GAA: variants seen among roughly 807,000 people sequenced by gnomAD.
GAA encodes the protein lysosomal alpha-glucosidase.
GAA carries 88 observed loss-of-function variants against 103.9 expected under a neutral mutation model. That is an observed-to-expected ratio of 0.85 (90% CI 0.71 to 1.01). The LOEUF (loss-of-function observed/expected upper bound fraction) is 1.01, where lower values mean the gene tolerates loss of function less well. Among genes scored for constraint, GAA ranks in the 50% least tolerant of loss-of-function variants. The pLI is 0.00. For synonymous variants in GAA, 572 were observed against 563.1 expected, an observed-to-expected ratio of 1.02 and a Z score of -0.22; for missense variants, 1,350 against 1,305.3, an observed-to-expected ratio of 1.03 and a Z score of -0.53.
rs1001452509 is a variant in GAA at position 80,113,495 on chromosome 17, C to G, written c.2189+129C>G. 5 of 864,270 alleles carry G rather than the reference C, an allele frequency of 5.8e-6. No individual in the cohort carries two copies. In the African/African-American group the frequency reaches 8.5e-5, roughly 15 times the overall value. 53.5% of individuals were successfully genotyped at this position (864,270 alleles called of 1,614,324 possible). On this transcript the variant is annotated intron_variant, in intron 15 of 19. Transcript: ENST00000302262. The stretch of plus-strand genomic sequence containing the variant: ...AGCAGGTTGCCGCTGAGTGAGACAA[C>G]ATTTGGGCCTGGCTTAAGGGGGAAG...
In GAA at chr17:80,113,440, T is replaced by C. The variant is rs147333431; in HGVS notation, c.2189+74T>C. 439 of 1,371,900 alleles carry C rather than the reference T, an allele frequency of 3.2e-4. 2 individuals carry two copies. In the African/African-American group the frequency reaches 5.5e-3, roughly 17 times the overall value. 85.0% of individuals were successfully genotyped at this position (1,371,900 alleles called of 1,614,324 possible). ...GGCACGTAACTCCCAGGCAGCCCTG[T>C]CCTGCTGTGGGCTGTGTTCCCCAGG... is the stretch of plus-strand genomic sequence containing the variant. On this transcript the variant is annotated intron_variant, in intron 15 of 19. Transcript: ENST00000302262.
chr17:80,112,052 A>G lies in GAA; in HGVS notation c.1706A>G (p.Tyr569Cys). 6.2e-7 allele frequency: 1 copy of G among 1,614,042 alleles called. No homozygotes were observed. The highest frequency in any genetic ancestry group is 8.5e-7 in the Non-Finnish European group (1 of 1,179,944). Residue 569 changes from tyrosine (Y) to cysteine (C), a missense_variant, in exon 12 of 20, where the codon TAC (tyrosine) becomes TGC (cysteine). Tyr to Cys is a radical substitution (Grantham distance 194, BLOSUM62 -2). Coordinates refer to ENST00000302262, the MANE Select transcript of GAA (RefSeq NM_000152.5). Reference sequence around the variant, plus strand: ...AGCCACCAGTTTCTCTCCACACACTACAACCTGCACAACCTCTACGGCCTG... The same window carrying G: ...AGCCACCAGTTTCTCTCCACACACTGCAACCTGCACAACCTCTACGGCCTG... ...ASSHQFLSTH[Y>C]NLHNLYGLTE... is the part of the protein sequence containing the mutation.
At chr17:80,116,855 T>G in intron 15 of GAA, 113 bp from the exon 16 acceptor site, 1 of 1,237,764 alleles carries the variant, frequency 8.1e-7, no homozygotes, top group Non-Finnish European at 1.2e-6. Flanking sequence ...CTCCGGCACC[T>G]TGAGCTCCAG....
intron 16 of GAA, 119 bp downstream of exon 16, chr17:80,117,228 C>T (rs1427735168): frequency 8.2e-6 from 9 of 1,101,606 alleles, no homozygotes; most frequent in African/African-American, 4.6e-5. Flanking sequence ...TGTTGAGTCC[C>T]GGCCATGTGC....
In GAA at chr17:80,112,376, G is replaced by A. The variant is rs942521091; in HGVS notation, c.1755-202G>A. 6.8e-5 allele frequency: 46 copies of A among 681,450 alleles called. No individual in the cohort carries two copies. The South Asian group carries it at 7.5e-4, about 11-fold the overall frequency. 42.2% of individuals were successfully genotyped at this position (681,450 alleles called of 1,614,324 possible). A position where few individuals can be genotyped will look rare whatever the true frequency, so the allele number is the denominator to read the frequency against. ...CTCATGACTCCTGTGAGGCTGGGGG[G>A]GGTCCTGGCTCACCTACAGGCATCA... is the stretch of plus-strand genomic sequence containing the variant. On this transcript the variant is annotated intron_variant, in intron 12 of 19. Transcript: ENST00000302262.
chr17:80,101,899 C>G lies in GAA; in HGVS notation c.-33+9C>G, dbSNP rs2038960070. 1 of 152,296 alleles carries G rather than the reference C, an allele frequency of 6.6e-6. No homozygotes were observed. Among genetic ancestry groups the G allele is most frequent in the Non-Finnish European group, 1.5e-5 (1 of 68,110 alleles). 9.4% of individuals were successfully genotyped at this position (152,296 alleles called of 1,614,324 possible). ...ACTGAGGCACGGAGCGGGTGAGACA[C>G]CTGACGTCTGCCCCGCGCTGCCGGC... On this transcript the variant is annotated intron_variant, in intron 1 of 19. Coordinates refer to ENST00000302262, the MANE Select transcript of GAA (RefSeq NM_000152.5).
intron 16 of GAA, among the ~76,000 whole-genome samples, 183 bp from the exon 17 acceptor site, chr17:80,117,414 CAGT>C (rs2039379086): frequency 6.6e-6 from 1 of 152,208 alleles, no homozygotes; most frequent in Non-Finnish European, 1.5e-5. Context: ...TGTCCCCACT[CAGT>C]AGCCAGGAGG....
Position 80,111,007 on chromosome 17 carries a change from A to G in GAA, c.1618A>G (p.Asn540Asp). ...EDGCPNNELE[N>D]PPYVPGVVGG... ...CGGCTGCCCCAACAATGAGCTGGAG[A>G]ACCCACCCTACGTGCCTGGTCAGCT... is the stretch of plus-strand genomic sequence containing the variant. The change falls in exon 11 of 20, where the codon AAC (asparagine) becomes GAC (aspartate). Residue 540 changes from asparagine to aspartate, a missense_variant. Transcript: ENST00000302262. 1 of 1,613,826 alleles carries G rather than the reference A, an allele frequency of 6.2e-7. No individual in the cohort carries two copies.
chr17:80,106,022 G>A (rs1598572710), intron 3 of GAA, 128 bp downstream of exon 3: 7 of 1,303,906 alleles, frequency 5.4e-6, no homozygotes, highest in Middle Eastern at 2.8e-4. Context: ...CTCACACGGC[G>A]GGGAGGGCGA....
In GAA at chr17:80,116,820, C is replaced by G. The variant is rs941306801; in HGVS notation, c.2190-148C>G. 4 of 799,962 alleles carry G rather than the reference C, an allele frequency of 5.0e-6. No homozygotes were observed. In the South Asian group the frequency reaches 5.9e-5, roughly 12 times the overall value. The allele number at this position is 799,962 out of a possible 1,614,324, so 49.6% of individuals were successfully genotyped here. On this transcript the variant is annotated intron_variant, in intron 15 of 19. Transcript: ENST00000302262. Reference sequence around the variant, plus strand: ...TTCTATCTGCTGGAATCATCCCTGCCCGTCTGACCTGAGTCCTCCAAGTCC... The same window carrying G: ...TTCTATCTGCTGGAATCATCCCTGCGCGTCTGACCTGAGTCCTCCAAGTCC...
intron 15 of GAA, among the ~76,000 whole-genome samples, chr17:80,116,278 A>G (rs565678743): frequency 2.0e-5 from 3 of 152,376 alleles, no homozygotes; most frequent in African/African-American, 7.2e-5. Flanking sequence ...TGTGGAAAGC[A>G]ACAGTACATA....
Position 80,105,834 on chromosome 17 carries a change from T to C in GAA, c.632T>C (p.Val211Ala). 1 of 1,609,912 alleles carries C rather than the reference T, an allele frequency of 6.2e-7. No homozygotes were observed. Among genetic ancestry groups the C allele is most frequent in the Non-Finnish European group, 8.5e-7 (1 of 1,179,974 alleles). ...HSRAPSPLYS[V>A]EFSEEPFGVI... is the part of the protein sequence containing the mutation. Reference sequence around the variant, plus strand: ...CGGGCACCGTCCCCACTCTACAGCGTGGAGTTCTCCGAGGAGCCCTTCGGG... The same window carrying C: ...CGGGCACCGTCCCCACTCTACAGCGCGGAGTTCTCCGAGGAGCCCTTCGGG... The change falls in exon 3 of 20, where the codon GTG becomes GCG. Residue 211 changes from valine to alanine, a missense_variant. By Grantham distance (64) the Val-to-Ala change is moderately conservative. Coordinates refer to ENST00000302262, the MANE Select transcript of GAA (RefSeq NM_000152.5).
rs1220435321 is a variant in GAA, at chr17:80,108,486, C to T, written c.1076-3C>T. ...CCCTCATGAAGTCGGCGTTGGCCTG[C>T]AGGATACCCGTTCATGCCGCCATAC... On this transcript the variant is annotated splice_polypyrimidine_tract_variant and splice_region_variant and intron_variant, in intron 6 of 19. Coordinates refer to ENST00000302262, the MANE Select transcript of GAA (RefSeq NM_000152.5). The T allele has an allele frequency of 2.5e-6, 4 of 1,613,014 alleles. No homozygotes were observed. Among genetic ancestry groups the T allele is most frequent in the African/African-American group, 1.3e-5 (1 of 74,928 alleles).
At chr17:80,106,113 C>T (rs1428461847) in intron 3 of GAA, among the ~76,000 whole-genome samples, 2 of 152,216 alleles carry the variant, frequency 1.3e-5, no homozygotes, top group East Asian at 3.8e-4. Context: ...TCAGGACTCA[C>T]CAAGCCCCTG....
chr17:80,112,248 G>C (rs1210750042), intron 12 of GAA, 148 bp downstream of exon 12: 6 of 767,332 alleles, frequency 7.8e-6, no homozygotes, highest in Non-Finnish European at 1.3e-5. Context: ...CCCACCCGCT[G>C]CCTGCACCCC....
At position 80,118,245 on chromosome 17, in the gene GAA, T is replaced by C; in HGVS notation, c.2534T>C (p.Val845Ala). 1 of 1,612,514 alleles carries C rather than the reference T, an allele frequency of 6.2e-7. No individual in the cohort carries two copies. The highest frequency in any genetic ancestry group is 1.1e-5 in the South Asian group (1 of 90,908). ...CGCCAGCAGCCCATGGCCCTGGCTG[T>C]GGCCCTGACCAAGGGTGGGGAGGCC... is the stretch of plus-strand genomic sequence containing the variant. ...ESRQQPMALA[V>A]ALTKGGEARG... Residue 845 changes from valine to alanine, a missense_variant, in exon 18 of 20, where the codon GTG (valine) becomes GCG (alanine). Val to Ala is a moderately conservative substitution (Grantham distance 64). Coordinates refer to ENST00000302262, the MANE Select transcript of GAA (RefSeq NM_000152.5).
chr17:80,119,454 A>C lies in GAA; in HGVS notation c.*123A>C. ...ATGTGTCACCTGGAGCTGGGCACTA[A>C]CCATTCCAAGCCGCCGCATCGCTTG... On this transcript the variant is annotated 3_prime_UTR_variant, in exon 20 of 20. Coordinates refer to ENST00000302262, the MANE Select transcript of GAA (RefSeq NM_000152.5). 1.2e-6 allele frequency: 1 copy of C among 844,582 alleles called. No individual in the cohort carries two copies. Among genetic ancestry groups the C allele is most frequent in the Non-Finnish European group, 2.0e-6 (1 of 497,896 alleles). 52.3% of individuals were successfully genotyped at this position (844,582 alleles called of 1,614,324 possible).
chr17:80,119,241 G>GGCTGCTCCATTTGT (rs748555210), intron 19 of GAA, 31 bp from the exon 20 acceptor site: 1 of 1,610,006 alleles, frequency 6.2e-7, no homozygotes. Flanking sequence ...TGGGATCTCG[G>GGCTGCTCCATTTGT]GCTGCTCCAT....
Position 80,107,300 on chromosome 17 carries a change from G to A in GAA, c.693-257G>A, listed in dbSNP as rs2039109026. Among the ~76,000 whole-genome samples, 3 of 152,330 alleles carry A rather than the reference G, an allele frequency of 2.0e-5. No homozygotes were observed. The South Asian group carries it at 6.2e-4, about 32-fold the overall frequency. ...AGTTCCTGGAGGTCAGCCCCTTGGG[G>A]GCCCCTCAGGGGTGGTGTGGGCCCA... is the stretch of plus-strand genomic sequence containing the variant. On this transcript the variant is annotated intron_variant, in intron 3 of 19. Transcript: ENST00000302262.
Sources: allele counts gnomAD v4.1 joint callset (sites outside exome capture counted in the v4.1 genomes callset), GRCh38; gene constraint gnomAD v4.1.1; transcripts MANE v1.5; gene names NCBI Gene and HGNC (gene_info 2026-07-23, HGNC 2026-07-21).